The following BRINP1 variants were observed in gnomAD, a reference collection of about 807,000 sequenced individuals.
The protein encoded by BRINP1 is BMP/retinoic acid-inducible neural-specific protein 1.
In BRINP1, 17 loss-of-function variants were observed where a neutral mutation model predicts 72.9. The ratio of observed to expected loss-of-function variants is 0.23; its 90% CI spans 0.16 to 0.35. The LOEUF (loss-of-function observed/expected upper bound fraction) is 0.35, where lower values mean the gene tolerates loss of function less well. BRINP1 is among the 10% of genes least tolerant of loss of function. The pLI is 1.00. For missense variants in BRINP1, 850 were observed against 1,001.6 expected (o/e 0.85, Z 2.04); for synonymous variants, 418 against 378.5 (o/e 1.10, Z -1.21).
intron 7 of BRINP1, among the ~76,000 whole-genome samples, chr9:119,176,799 T>C (rs150707234): frequency 5.1e-4 from 78 of 152,296 alleles, no homozygotes; most frequent in Non-Finnish European, 1.0e-3. Flanking sequence ...AAAACCATTT[T>C]GTTATATCCA....
At chr9:119,208,158 G>A (rs753324342) in intron 7 of BRINP1, among the ~76,000 whole-genome samples, 6 of 152,172 alleles carry the variant, frequency 3.9e-5, no homozygotes, top group Non-Finnish European at 7.3e-5. Context: ...AACTAGGGGA[G>A]GCAAGCAAGG....
chr9:119,365,048 T>C (rs1406965489), intron 1 of BRINP1, among the ~76,000 whole-genome samples: 1 of 152,188 alleles, frequency 6.6e-6, no homozygotes, highest in Non-Finnish European at 1.5e-5. Context: ...ACAAAGATGC[T>C]CCTGAGACCA....
intron 1 of BRINP1, among the ~76,000 whole-genome samples, chr9:119,357,151 A>G (rs1462178933): frequency 1.3e-5 from 2 of 152,228 alleles, no homozygotes; most frequent in Non-Finnish European, 2.9e-5. Flanking sequence ...TTACTAGAGA[A>G]GAAGAAATCT....
chr9:119,259,921 T>C (rs796776272), intron 2 of BRINP1, among the ~76,000 whole-genome samples: 10 of 152,346 alleles, frequency 6.6e-5, no homozygotes, highest in South Asian at 6.2e-4. Context: ...CAAGTAATAC[T>C]GCATTTAATT....
chr9:119,199,883 A>T (rs574514306), intron 7 of BRINP1, among the ~76,000 whole-genome samples: 2 of 151,990 alleles, frequency 1.3e-5, no homozygotes, highest in East Asian at 3.9e-4. Flanking sequence ...GATTCAAGTC[A>T]GTTGAAGACA....
chr9:119,302,946 G>A (rs1830954258), intron 2 of BRINP1, among the ~76,000 whole-genome samples: 1 of 151,896 alleles, frequency 6.6e-6, no homozygotes, highest in South Asian at 2.1e-4. Flanking sequence ...TAATCCCTTG[G>A]TGTCATCAGA....
intron 5 of BRINP1, among the ~76,000 whole-genome samples, chr9:119,220,281 G>A (rs2118884416): frequency 6.6e-6 from 1 of 152,234 alleles, no homozygotes; most frequent in East Asian, 1.9e-4. Context: ...CCTCAAGTTG[G>A]ATCTCTGGAG....
At chr9:119,227,444 T>C (rs1830103334) in intron 5 of BRINP1, among the ~76,000 whole-genome samples, 1 of 152,086 alleles carries the variant, frequency 6.6e-6, no homozygotes, top group African/African-American at 2.4e-5. Context: ...GGTGCTCCTA[T>C]GTTCATAAAG....
intron 1 of BRINP1, among the ~76,000 whole-genome samples, chr9:119,363,082 T>C (rs1193180737): frequency 6.6e-6 from 1 of 152,172 alleles, no homozygotes; most frequent in East Asian, 1.9e-4. Context: ...CCCAGTGAAA[T>C]GACTCCGTGG....
intron 2 of BRINP1, among the ~76,000 whole-genome samples, chr9:119,289,756 T>C (rs1275218183): frequency 6.6e-6 from 1 of 152,220 alleles, no homozygotes; most frequent in Non-Finnish European, 1.5e-5. Flanking sequence ...AACCCATGCA[T>C]TGGTTAATAA....
chr9:119,282,037 A>G (rs1464353058), intron 2 of BRINP1, among the ~76,000 whole-genome samples: 1 of 152,220 alleles, frequency 6.6e-6, no homozygotes, highest in African/African-American at 2.4e-5. Flanking sequence ...GGAATTATGG[A>G]GTCATAGCTC....
At chr9:119,220,447 C>A (rs1225392067) in intron 5 of BRINP1, among the ~76,000 whole-genome samples, 1 of 152,242 alleles carries the variant, frequency 6.6e-6, no homozygotes, top group East Asian at 1.9e-4. Flanking sequence ...AAGATTATAG[C>A]CCAATCTTCA....
intron 7 of BRINP1, among the ~76,000 whole-genome samples, chr9:119,180,589 A>G (rs1829545329): frequency 6.6e-6 from 1 of 152,082 alleles, no homozygotes; most frequent in African/African-American, 2.4e-5. Context: ...TCCGCTGAAA[A>G]CAGCCTCAGA....
At chr9:119,285,201 CAAAAAAAAA>C (rs58381406) in intron 2 of BRINP1, among the ~76,000 whole-genome samples, 3 of 121,176 alleles carry the variant, frequency 2.5e-5, no homozygotes, top group African/African-American at 3.1e-5. Flanking sequence ...TTGCAGGCAT[CAAAAAAAAA>C]AAAAAAAAAA....
At chr9:119,342,787 C>A (rs1419704433) in intron 1 of BRINP1, among the ~76,000 whole-genome samples, 1 of 152,170 alleles carries the variant, frequency 6.6e-6, no homozygotes, top group Non-Finnish European at 1.5e-5. Context: ...CAAAACTGCC[C>A]CAAACTGTCC....
chr9:119,297,986 T>G (rs909157834), intron 2 of BRINP1, among the ~76,000 whole-genome samples: 4 of 152,228 alleles, frequency 2.6e-5, no homozygotes, highest in African/African-American at 2.4e-5. Flanking sequence ...AATATTGAAC[T>G]CATTATATTG....
chr9:119,186,404 T>C (rs749980179), intron 7 of BRINP1, among the ~76,000 whole-genome samples: 47 of 152,128 alleles, frequency 3.1e-4, no homozygotes, highest in Non-Finnish European at 5.9e-4. Context: ...CCCAGGAAAC[T>C]GAAGCTTTGA....
chr9:119,329,701 A>G (rs1831279927), intron 1 of BRINP1, among the ~76,000 whole-genome samples: 2 of 152,262 alleles, frequency 1.3e-5, no homozygotes, highest in Admixed American at 6.5e-5. Flanking sequence ...GAGAAAATGA[A>G]CAGTCAGAGA....
At chr9:119,288,069 C>A (rs1011481912) in intron 2 of BRINP1, among the ~76,000 whole-genome samples, 4 of 152,082 alleles carry the variant, frequency 2.6e-5, no homozygotes, top group African/African-American at 9.7e-5. Flanking sequence ...CAAAATCATG[C>A]CTTTGGAGGA....
Sources: allele counts gnomAD v4.1 joint callset (sites outside exome capture counted in the v4.1 genomes callset), GRCh38; gene constraint gnomAD v4.1.1; transcripts MANE v1.5; gene names NCBI Gene and HGNC (gene_info 2026-07-23, HGNC 2026-07-21).